Variants in NDST2 observed in about 807,000 individuals in gnomAD.
NDST2 encodes bifunctional heparan sulfate N-deacetylase/N-sulfotransferase 2.
A neutral mutation model predicts 86.9 loss-of-function variants in NDST2; 32 were observed. The ratio of observed to expected loss-of-function variants is 0.37; its 90% CI spans 0.28 to 0.49. The LOEUF is 0.49. Ranked by LOEUF, NDST2 falls within the 20% of genes least tolerant of loss-of-function variation. The pLI is 0.97. For missense variants in NDST2, 950 were observed against 1,146.9 expected (o/e 0.83, Z 2.48); for synonymous variants, 409 against 437.0 (o/e 0.94, Z 0.80).
intron 8 of NDST2, 26 bp downstream of exon 8, chr10:73,805,561 C>T (rs200019792): frequency 2.3e-5 from 37 of 1,611,324 alleles, no homozygotes; most frequent in Admixed American, 3.3e-5. Flanking sequence ...TATCATGTCT[C>T]TCATCAGACT....
Position 73,806,484 on chromosome 10 carries a change from G to A in NDST2, c.1249-10C>T, listed in dbSNP as rs2084105326. 1 of 1,576,872 alleles carries A rather than the reference G, an allele frequency of 6.3e-7. No homozygotes were observed. Among genetic ancestry groups the A allele is most frequent in the East Asian group, 2.2e-5 (1 of 44,466 alleles). ...TGGGAATCCCATGCTCCTGGGAATGGCATAGACTCTCACCAGGACCTGGTG... is the reference window on the plus strand; with the variant it reads ...TGGGAATCCCATGCTCCTGGGAATGACATAGACTCTCACCAGGACCTGGTG... On this transcript the variant is annotated splice_polypyrimidine_tract_variant and intron_variant, in intron 5 of 14. Coordinates refer to ENST00000309979, the MANE Select transcript of NDST2 (RefSeq NM_003635.4). The surrounding 1 kb of genome is among the most constrained non-coding windows in gnomAD (Gnocchi z 4.5).
At position 73,802,746 on chromosome 10, in the gene NDST2, C is replaced by T; in HGVS notation, c.2454G>A (p.Gln818=). ...RFDDDKGFWC[Q]GLEGGKTRCL... ...AGCGAGTCTTACCACCTTCAAGTCC[C>T]TGGCACCAAAATCCCTTATCATCAT... The change falls in exon 14 of 15, where the codon CAG becomes CAA. Residue 818 remains glutamine (Q), a synonymous_variant. Transcript: ENST00000309979. The T allele has an allele frequency of 6.2e-7, 1 of 1,614,190 alleles. No homozygotes were observed. Among genetic ancestry groups the T allele is most frequent in the Non-Finnish European group, 8.5e-7 (1 of 1,180,036 alleles).
At position 73,801,992 on chromosome 10, in the gene NDST2, G is replaced by A. The variant is rs182847738; in HGVS notation, c.*459C>T. On this transcript the variant is annotated 3_prime_UTR_variant, in exon 15 of 15. Transcript: ENST00000309979. This position sits in a 1 kb window ranked among gnomAD's most constrained non-coding sequence, Gnocchi z 4.9. ...TACTCGGCTCTATGAGCCACTGTCC[G>A]ACCTCATCCCCATTCAATGTGAATG... The A allele has an allele frequency of 8.4e-4, 304 of 363,486 alleles. 2 individuals are homozygous for A. Among genetic ancestry groups the A allele is most frequent in the East Asian group, 3.7e-3 (49 of 13,382 alleles). The allele number at this position is 363,486 out of a possible 1,614,324, so 22.5% of individuals were successfully genotyped here.
intron 1 of NDST2, 133 bp from the exon 2 acceptor site, chr10:73,811,036 G>C (rs2084212085): frequency 5.1e-6 from 2 of 391,478 alleles, no homozygotes. Context: ...AAGCCAGACG[G>C]GGGCCGGGGC....
intron 2 of NDST2, among the ~76,000 whole-genome samples, chr10:73,810,075 G>A (rs967843805): frequency 6.6e-6 from 1 of 152,128 alleles, no homozygotes; most frequent in African/African-American, 2.4e-5. Context: ...TTGTAAGGCT[G>A]GCAATCCCTC....
At chr10:73,802,919 C>T (rs2084021137) in intron 13 of NDST2, 53 bp downstream of exon 13, 1 of 1,572,954 alleles carries the variant, frequency 6.4e-7, no homozygotes, top group Admixed American at 1.7e-5. Flanking sequence ...ACATGGTCAA[C>T]CTGCTTCCCC....
chr10:73,805,490 G>A (rs2084084117), intron 8 of NDST2, 97 bp downstream of exon 8: 1 of 1,217,046 alleles, frequency 8.2e-7, no homozygotes, highest in Non-Finnish European at 1.2e-6. Flanking sequence ...CTCTAGCCTG[G>A]GTGACAGAGC....
At position 73,805,712 on chromosome 10, in the gene NDST2, T is replaced by C. The variant is rs1488326759; in HGVS notation, c.1621A>G (p.Thr541Ala). 7 of 1,614,022 alleles carry C rather than the reference T, an allele frequency of 4.3e-6. No individual in the cohort carries two copies. Among genetic ancestry groups the C allele is most frequent in the South Asian group, 2.2e-5 (2 of 91,088 alleles). ...NYGNDRLGLY[T>A]FESLVRFLQC... ...AGGAAGCGCACCAAGCTCTCAAAGG[T>C]GTATAGGCCCAGCCGGTCATTTCCA... Residue 541 changes from threonine to alanine, a missense_variant, in exon 8 of 15, where the codon ACC becomes GCC. By Grantham distance (58) the Thr-to-Ala change is moderately conservative. Around this residue, in one of 5 missense-constraint regions of NDST2, gnomAD observed 586 missense variants for 714.0 expected, o/e 0.82. Coordinates refer to ENST00000309979, the MANE Select transcript of NDST2 (RefSeq NM_003635.4).
Position 73,802,077 on chromosome 10 carries a change from G to C in NDST2, c.*374C>G, listed in dbSNP as rs1267431236. The C allele has an allele frequency of 2.7e-6, 1 of 367,718 alleles. No homozygotes were observed. Among genetic ancestry groups the C allele is most frequent in the East Asian group, 6.8e-5 (1 of 14,652 alleles). The allele number at this position is 367,718 out of a possible 1,614,324, so 22.8% of individuals were successfully genotyped here. ...TGCCTGGCTAAAGGGGCCATAGCAAGGGGTCCCTCCCATGCAAGGGGTCTC... is the reference window on the plus strand; with the variant it reads ...TGCCTGGCTAAAGGGGCCATAGCAACGGGTCCCTCCCATGCAAGGGGTCTC... On this transcript the variant is annotated 3_prime_UTR_variant, in exon 15 of 15. Transcript: ENST00000309979.
At chr10:73,802,910 C>CA (rs751538162) in intron 13 of NDST2, 62 bp downstream of exon 13, 2 of 1,556,376 alleles carry the variant, frequency 1.3e-6, no homozygotes, top group Non-Finnish European at 8.9e-7. Context: ...CTCTAACAGA[C>CA]ATGGTCAACC....
rs377213230 is a variant in NDST2 at position 73,808,392 on chromosome 10, G to C, written c.-4C>G. 10 of 1,583,814 alleles carry C rather than the reference G, an allele frequency of 6.3e-6. No homozygotes were observed. Among genetic ancestry groups the C allele is most frequent in the African/African-American group, 1.3e-5 (1 of 74,208 alleles). On this transcript the variant is annotated 5_prime_UTR_variant, in exon 3 of 15. Transcript: ENST00000309979. The surrounding 1 kb of genome is among the most constrained non-coding windows in gnomAD (Gnocchi z 4.3). The stretch of plus-strand genomic sequence containing the variant: ...CCACCTTCCACAACTGGAGCATGGC[G>C]GGGGGAGGAAGGGAGGGAGGAATGG...
At position 73,802,724 on chromosome 10, in the gene NDST2, G is replaced by C; in HGVS notation, c.2476C>G (p.Arg826Gly). Residue 826 changes from arginine to glycine, a missense_variant, in exon 14 of 15, where the codon CGC (arginine) becomes GGC (glycine). Transcript: ENST00000309979. The stretch of plus-strand genomic sequence containing the variant: ...CGGCCTTTGCTCCGGCCTAGACAGC[G>C]AGTCTTACCACCTTCAAGTCCCTGG... ...WCQGLEGGKTRCLGRSKGRRY... is the reference protein window; with the variant it reads ...WCQGLEGGKTGCLGRSKGRRY... The C allele has an allele frequency of 6.2e-7, 1 of 1,614,124 alleles. No homozygotes were observed. Among genetic ancestry groups the C allele is most frequent in the Non-Finnish European group, 8.5e-7 (1 of 1,180,026 alleles).
chr10:73,808,557 G>T lies in NDST2; in HGVS notation c.-169C>A. Reference sequence around the variant, plus strand: ...TGGAGACGAGTCCCCTTAGCATAGGGTAGGGGAGGTAGAAGGGGAAGCAGG... The same window carrying T: ...TGGAGACGAGTCCCCTTAGCATAGGTTAGGGGAGGTAGAAGGGGAAGCAGG... On this transcript the variant is annotated 5_prime_UTR_variant, in exon 3 of 15. Coordinates refer to ENST00000309979, the MANE Select transcript of NDST2 (RefSeq NM_003635.4). The surrounding 1 kb of genome is among the most constrained non-coding windows in gnomAD (Gnocchi z 4.3). The T allele has an allele frequency of 1.7e-6, 1 of 595,378 alleles. No individual in the cohort carries two copies. The highest frequency in any genetic ancestry group is 2.9e-6 in the Non-Finnish European group (1 of 343,470). 36.9% of individuals were successfully genotyped at this position (595,378 alleles called of 1,614,324 possible). A position where few individuals can be genotyped will look rare whatever the true frequency, so the allele number is the denominator to read the frequency against.
rs1050032497 is a variant in NDST2, at chr10:73,807,371, T to G, written c.1005+13A>C. 6.2e-7 allele frequency: 1 copy of G among 1,611,728 alleles called. No individual in the cohort carries two copies. Among genetic ancestry groups the G allele is most frequent in the South Asian group, 1.1e-5 (1 of 91,022 alleles). The stretch of plus-strand genomic sequence containing the variant: ...ATAGCTTCTAAGAAAAAAATTTAAG[T>G]AACAAGACTGACCTCAACATCAGCC... On this transcript the variant is annotated intron_variant, in intron 3 of 14. Coordinates refer to ENST00000309979, the MANE Select transcript of NDST2 (RefSeq NM_003635.4).
intron 11 of NDST2, 55 bp downstream of exon 11, chr10:73,803,519 T>TGGGGGGGGCGGG: frequency 1.8e-6 from 1 of 565,898 alleles, no homozygotes; most frequent in Non-Finnish European, 3.4e-6. Context: ...GCAGTCACTG[T>TGGGGGGGGCGGG]CCCCTCCCCC....
chr10:73,809,133 G>A (rs952044572), intron 2 of NDST2: 2 of 152,248 alleles, frequency 1.3e-5, no homozygotes, highest in Non-Finnish European at 2.9e-5. Context: ...CTGTGAGGAA[G>A]GGACGGAAAG....
chr10:73,807,175 G>T lies in NDST2; in HGVS notation c.1026C>A (p.Asn342Lys), dbSNP rs1565098867. The T allele has an allele frequency of 1.2e-6, 2 of 1,614,082 alleles. No individual in the cohort carries two copies. The highest frequency in any genetic ancestry group is 2.7e-5 in the African/African-American group (2 of 75,016). Reference sequence around the variant, plus strand: ...AGTTGGGAACTAAGGTCCTGAGTTTGTTCTGGGTGGTCAACAGAGCCTGGG... The same window carrying T: ...AGTTGGGAACTAAGGTCCTGAGTTTTTTCTGGGTGGTCAACAGAGCCTGGG... ...ADVEALLTTQ[N>K]KLRTLVPNFT... Residue 342 changes from asparagine (N) to lysine (K), a missense_variant, in exon 4 of 15, where the codon AAC becomes AAA. Physicochemically the swap from Asn to Lys is moderately conservative, Grantham distance 94. This residue lies in a region of NDST2 where 586 missense variants were observed against 714.0 expected (regional missense o/e 0.82). Transcript: ENST00000309979.
intron 3 of NDST2, 32 bp from the exon 4 acceptor site, chr10:73,807,227 G>A: frequency 1.3e-6 from 2 of 1,594,092 alleles, no homozygotes; most frequent in Non-Finnish European, 1.7e-6. Flanking sequence ...AGAGAAATCA[G>A]GAGAGCAGAC....
At chr10:73,804,161 T>C (rs1358194810) in intron 9 of NDST2, 145 bp from the exon 10 acceptor site, 94 of 846,456 alleles carry the variant, frequency 1.1e-4, no homozygotes, top group Non-Finnish European at 1.8e-6. Context: ...GAGGCAAGTC[T>C]GAGAGAGGCC....
Sources: allele counts gnomAD v4.1 joint callset (sites outside exome capture counted in the v4.1 genomes callset), GRCh38; gene constraint gnomAD v4.1.1; regional missense constraint gnomAD v4.1.1; non-coding constraint Gnocchi (gnomAD v3.1); transcripts MANE v1.5; gene names NCBI Gene and HGNC (gene_info 2026-07-23, HGNC 2026-07-21).